Variants in ELAVL2 observed in about 807,000 individuals in gnomAD.
ELAVL2 encodes ELAV like RNA binding protein 2.
In ELAVL2, 4 loss-of-function variants were observed where a neutral mutation model predicts 34.6. The ratio of observed to expected loss-of-function variants is 0.12; its 90% confidence interval spans 0.06 to 0.26. ELAVL2 has a LOEUF of 0.26. ELAVL2 is among the 10% of genes least tolerant of loss of function. The pLI, the probability that ELAVL2 is intolerant of heterozygous loss-of-function variation, is 1.00. For missense variants in ELAVL2, 432 were observed against 442.8 expected, an observed-to-expected ratio of 0.98 and a Z score of 0.22; for synonymous variants, 193 against 154.8, an observed-to-expected ratio of 1.25 and a Z score of -1.83.
At chr9:23,824,653 G>C (rs1462964006) in intron 1 of ELAVL2, among the ~76,000 whole-genome samples, 1 of 151,756 alleles carries the variant, frequency 6.6e-6, no homozygotes, top group African/African-American at 2.4e-5. Flanking sequence ...CGCCCTCCCC[G>C]GCCCACGAAC....
chr9:23,783,438 T>A (rs2059318760), intron 1 of ELAVL2: 1 of 985,180 alleles, frequency 1.0e-6, no homozygotes, highest in Admixed American at 6.1e-5. Flanking sequence ...ACTGGTACAA[T>A]TCTGCACAAC....
At chr9:23,778,202 C>G (rs1173026024) in intron 1 of ELAVL2, among the ~76,000 whole-genome samples, 1 of 152,110 alleles carries the variant, frequency 6.6e-6, no homozygotes, top group Non-Finnish European at 1.5e-5. Flanking sequence ...TTAAATAAAT[C>G]ACGTGCGAGG....
intron 3 of ELAVL2, among the ~76,000 whole-genome samples, chr9:23,721,370 T>G (rs1017435552): frequency 6.6e-6 from 1 of 152,236 alleles, no homozygotes; most frequent in Non-Finnish European, 1.5e-5. Context: ...AAGCACAAAT[T>G]TCTAGATAGA....
intron 2 of ELAVL2, among the ~76,000 whole-genome samples, chr9:23,734,444 A>C (rs1319610417): frequency 4.6e-5 from 7 of 152,186 alleles, no homozygotes; most frequent in Admixed American, 4.6e-4. Flanking sequence ...AAAGGCAGGG[A>C]GGAAGTAGTA....
rs144867697 is a variant in ELAVL2, at chr9:23,791,789, T to A, written c.-15-29540A>T. ...CCAGAAACCAACACTACCAAAACCT[T>A]GATCTTGGTCTTCCAGCCTCCAGAA... On this transcript the variant is annotated intron_variant, in intron 1 of 6. Coordinates refer to ENST00000397312, the MANE Select transcript of ELAVL2 (RefSeq NM_004432.5). Among the ~76,000 whole-genome samples the A allele has an allele frequency of 8.6e-4, 131 of 152,284 alleles. No individual in the cohort carries two copies. In the Middle Eastern group the frequency reaches 0.01, roughly 12 times the overall value.
chr9:23,776,060 T>A (rs1243543706), intron 1 of ELAVL2, among the ~76,000 whole-genome samples: 1 of 152,132 alleles, frequency 6.6e-6, no homozygotes, highest in Non-Finnish European at 1.5e-5. Flanking sequence ...TACTTATCCA[T>A]GTGGTTTTAT....
At chr9:23,782,739 G>A (rs1388080698) in intron 1 of ELAVL2, among the ~76,000 whole-genome samples, 1 of 152,044 alleles carries the variant, frequency 6.6e-6, no homozygotes, top group Non-Finnish European at 1.5e-5. Context: ...AATACTTCTT[G>A]GTATATTCTG....
chr9:23,730,260 A>C (rs1032544373), intron 3 of ELAVL2, among the ~76,000 whole-genome samples: 1 of 152,184 alleles, frequency 6.6e-6, no homozygotes. Context: ...GAGAATCTAC[A>C]TAAGAATTTC....
chr9:23,729,728 A>G (rs1441391609), intron 3 of ELAVL2, among the ~76,000 whole-genome samples: 2 of 152,026 alleles, frequency 1.3e-5, no homozygotes, highest in South Asian at 2.1e-4. Context: ...TTTCATTTAG[A>G]TAAGACAGGG....
chr9:23,693,379 A>G, intron 6 of ELAVL2, 69 bp downstream of exon 6: 1 of 1,587,528 alleles, frequency 6.3e-7, no homozygotes, highest in South Asian at 1.1e-5. Flanking sequence ...TGTGAATAGC[A>G]CTCCCAAAAT....
chr9:23,719,960 G>C (rs2043246515), intron 3 of ELAVL2, among the ~76,000 whole-genome samples: 2 of 151,566 alleles, frequency 1.3e-5, no homozygotes, highest in Non-Finnish European at 2.9e-5. Flanking sequence ...CCAGTAGCTG[G>C]GTTTACAGGC....
intron 2 of ELAVL2, among the ~76,000 whole-genome samples, chr9:23,757,116 T>C (rs565649968): frequency 6.4e-4 from 97 of 152,232 alleles, no homozygotes; most frequent in Non-Finnish European, 1.1e-3. Context: ...GAATATCAAG[T>C]TCACAACCAT....
the ELAVL2 span, among the ~76,000 whole-genome samples, chr9:23,834,749 G>T: frequency 3.3e-5 from 5 of 151,842 alleles, no homozygotes; most frequent in Non-Finnish European, 7.4e-5. Context: ...TTTAAAAGGC[G>T]CCAAAAGGCA....
chr9:23,714,432 G>T (rs1277114551), intron 3 of ELAVL2, among the ~76,000 whole-genome samples: 1 of 152,212 alleles, frequency 6.6e-6, no homozygotes, highest in Non-Finnish European at 1.5e-5. Flanking sequence ...GACAGCAGAT[G>T]AGTGTGCTGG....
chr9:23,714,165 A>G (rs1199459869), intron 3 of ELAVL2, among the ~76,000 whole-genome samples: 2 of 152,178 alleles, frequency 1.3e-5, no homozygotes, highest in Non-Finnish European at 2.9e-5. Flanking sequence ...GATATGTAAC[A>G]TATGTTAATT....
At chr9:23,849,591 CAAT>C in the ELAVL2 span, 2 of 152,282 alleles carry the variant, frequency 1.3e-5, no homozygotes, top group African/African-American at 4.8e-5. Context: ...TGAAACCAGA[CAAT>C]AACGTAGTTC....
chr9:23,718,522 G>T (rs4977887), intron 3 of ELAVL2, among the ~76,000 whole-genome samples: 68,291 of 151,936 alleles, frequency 0.45, 16,167 homozygotes, highest in Middle Eastern at 0.62. Context: ...AAACACTGCA[G>T]ATTGCTTATG....
In ELAVL2 at chr9:23,716,068, C is replaced by G. The variant is rs1003151439; in HGVS notation, c.334-10997G>C. Among the ~76,000 whole-genome samples the G allele has an allele frequency of 2.0e-5, 3 of 149,168 alleles. No individual in the cohort carries two copies. In the Admixed American group the frequency reaches 2.1e-4, roughly 10 times the overall value. ...CATAACGGGATACCTTTACTTAAAT[C>G]TTTGTTTTTCACCACATGTTCTCAC... On this transcript the variant is annotated intron_variant, in intron 3 of 6. Coordinates refer to ENST00000397312, the MANE Select transcript of ELAVL2 (RefSeq NM_004432.5).
At chr9:23,843,339 C>G in the ELAVL2 span, among the ~76,000 whole-genome samples, 1 of 151,998 alleles carries the variant, frequency 6.6e-6, no homozygotes, top group Non-Finnish European at 1.5e-5. Context: ...AGGGAATAAG[C>G]TAAACTGTAT....
Sources: gnomAD v4.1 joint callset for allele counts (sites outside exome capture counted in the v4.1 genomes callset) on GRCh38, gnomAD v4.1.1 for gene constraint, MANE v1.5 for transcripts, NCBI Gene and HGNC (gene_info 2026-07-23, HGNC 2026-07-21) for gene names.